The following WDR18 variants were observed in gnomAD, a reference collection of about 807,000 sequenced individuals.
The protein encoded by WDR18 is WD repeat domain 18, also known as WD repeat-containing protein 18.
Under a neutral mutation model 49.6 loss-of-function variants are expected in WDR18, and 33 were observed. That is an observed-to-expected ratio of 0.67 (90% CI 0.50 to 0.89). The LOEUF (loss-of-function observed/expected upper bound fraction) is 0.89. WDR18 is among the 40% of genes least tolerant of loss of function. The pLI, the probability that WDR18 is intolerant of heterozygous loss-of-function variation, is 0.00. For missense variants in WDR18, 653 were observed against 593.6 expected (o/e 1.10, Z -1.04); for synonymous variants, 315 against 263.6 (o/e 1.19, Z -1.89).
intron 4 of WDR18, chr19:990,586 G>A: frequency 2.4e-6 from 2 of 835,310 alleles, no homozygotes; most frequent in Non-Finnish European, 1.8e-6. Flanking sequence ...CCAAGCCTGG[G>A]GAATCGGAGG....
At chr19:985,735 C>A in intron 1 of WDR18, 130 bp from the exon 2 acceptor site, 1 of 778,402 alleles carries the variant, frequency 1.3e-6, no homozygotes, top group Non-Finnish European at 2.1e-6. Flanking sequence ...CTCAAACCAC[C>A]CTGCTCCCGA....
chr19:993,972 GT>G, intron 8 of WDR18, 47 bp from the exon 9 acceptor site: 1 of 1,543,164 alleles, frequency 6.5e-7, no homozygotes, highest in Non-Finnish European at 8.7e-7. Flanking sequence ...AAAGCGTGTG[GT>G]GTGTGACAGG....
chr19:985,766 A>T, intron 1 of WDR18, 99 bp from the exon 2 acceptor site: 1 of 1,084,248 alleles, frequency 9.2e-7, no homozygotes, highest in Non-Finnish European at 1.4e-6. Context: ...TGGTTCTCTG[A>T]CTTAGCCATT....
intron 1 of WDR18, among the ~76,000 whole-genome samples, chr19:985,454 G>C (rs946789503): frequency 1.3e-5 from 2 of 152,198 alleles, no homozygotes; most frequent in African/African-American, 4.8e-5. Flanking sequence ...ACAGCCGTGA[G>C]CCACCACGCC....
chr19:994,445 C>A lies in WDR18; in HGVS notation c.*101C>A. 1.4e-6 allele frequency: 2 copies of A among 1,468,968 alleles called. No homozygotes were observed. Among genetic ancestry groups the A allele is most frequent in the Non-Finnish European group, 1.8e-6 (2 of 1,101,950 alleles). 91.0% of individuals were successfully genotyped at this position (1,468,968 alleles called of 1,614,324 possible). ...CCCCACCAGCCCAGGCCTGGACTCTCCTCAGTTCTGTGTCGTGTTCGGGTT... is the reference window on the plus strand; with the variant it reads ...CCCCACCAGCCCAGGCCTGGACTCTACTCAGTTCTGTGTCGTGTTCGGGTT... On this transcript the variant is annotated 3_prime_UTR_variant, in exon 10 of 10. Coordinates refer to ENST00000585809, the MANE Select transcript of WDR18 (RefSeq NM_024100.4).
chr19:993,828 C>T (rs930452150), intron 8 of WDR18, among the ~76,000 whole-genome samples, 192 bp from the exon 9 acceptor site: 32 of 152,216 alleles, frequency 2.1e-4, no homozygotes, highest in African/African-American at 7.5e-4. Context: ...GACTGCATGG[C>T]CAGGGTCAGG....
chr19:990,382 C>T lies in WDR18; in HGVS notation c.597+18C>T. On this transcript the variant is annotated intron_variant, in intron 4 of 9. Transcript: ENST00000585809. Reference sequence around the variant, plus strand: ...CGGTGAAGGTACGCCGCCCCCACCCCACCACGGTCCATGAGCGGAGCCCAG... The same window carrying T: ...CGGTGAAGGTACGCCGCCCCCACCCTACCACGGTCCATGAGCGGAGCCCAG... 6.6e-7 allele frequency: 1 copy of T among 1,520,612 alleles called. No homozygotes were observed. Among genetic ancestry groups the T allele is most frequent in the Non-Finnish European group, 8.8e-7 (1 of 1,139,378 alleles). The allele number at this position is 1,520,612 out of a possible 1,614,324, so 94.2% of individuals were successfully genotyped here. A position where few individuals can be genotyped will look rare whatever the true frequency, so the allele number is the denominator to read the frequency against.
At chr19:984,714 TG>T (rs1264174332) in intron 1 of WDR18, 151 bp downstream of exon 1, 1 of 815,434 alleles carries the variant, frequency 1.2e-6, no homozygotes. Flanking sequence ...TGCGCGGGTC[TG>T]GGGGCTTTGG....
At chr19:988,878 T>G (rs1312689266) in intron 2 of WDR18, among the ~76,000 whole-genome samples, 1 of 152,142 alleles carries the variant, frequency 6.6e-6, no homozygotes, top group Non-Finnish European at 1.5e-5. Flanking sequence ...CCACCTCATC[T>G]TAACTTATGA....
chr19:984,946 G>GA (rs1238793746), intron 1 of WDR18, among the ~76,000 whole-genome samples: 1 of 152,106 alleles, frequency 6.6e-6, no homozygotes, highest in Non-Finnish European at 1.5e-5. Context: ...AGGTCTGGGG[G>GA]AGTCTCCCAT....
intron 4 of WDR18, 28 bp from the exon 5 acceptor site, chr19:990,824 G>A (rs375286469): frequency 1.8e-5 from 28 of 1,569,944 alleles, no homozygotes; most frequent in East Asian, 2.3e-5. Context: ...CTGCCGGGCC[G>A]AGCCCCACGC....
chr19:987,387 G>A (rs2038485966), intron 2 of WDR18, among the ~76,000 whole-genome samples: 1 of 152,116 alleles, frequency 6.6e-6, no homozygotes, highest in South Asian at 2.1e-4. Flanking sequence ...AATGACAGGA[G>A]GCATCATTAT....
intron 7 of WDR18, 24 bp downstream of exon 7, chr19:991,375 G>GGCCAGC: frequency 6.5e-7 from 1 of 1,532,632 alleles, no homozygotes; most frequent in Non-Finnish European, 8.8e-7. Context: ...TGCTCGGCCC[G>GGCCAGC]CGGCCAGCGC....
intron 1 of WDR18, among the ~76,000 whole-genome samples, chr19:984,846 T>G (rs2038458980): frequency 6.6e-6 from 1 of 152,104 alleles, no homozygotes; most frequent in South Asian, 2.1e-4. Context: ...CAATTGCGCA[T>G]GCACGAGTTC....
rs747227045 is a variant in WDR18, at chr19:994,008, C to T, written c.1099-12C>T. 1 of 1,551,232 alleles carries T rather than the reference C, an allele frequency of 6.4e-7. No homozygotes were observed. Among genetic ancestry groups the T allele is most frequent in the African/African-American group, 1.4e-5 (1 of 73,130 alleles). ...GACGCGCCCCGAGGTCACGTGGCTC[C>T]CTGTGTTACAGGGCTCGGAGCCCAG... On this transcript the variant is annotated splice_polypyrimidine_tract_variant and intron_variant, in intron 8 of 9. Transcript: ENST00000585809.
chr19:990,812 C>T (rs749798134), intron 4 of WDR18, 40 bp from the exon 5 acceptor site: 16 of 1,558,692 alleles, frequency 1.0e-5, no homozygotes, highest in Non-Finnish European at 1.4e-5. Context: ...CTCGGGTTCC[C>T]CCTGCCGGGC....
chr19:990,008 C>T (rs2038522650), intron 3 of WDR18, 113 bp downstream of exon 3: 1 of 1,475,962 alleles, frequency 6.8e-7, no homozygotes, highest in Non-Finnish European at 9.0e-7. Flanking sequence ...GGCTGGAGTG[C>T]AGAGGACGGA....
chr19:994,020 G>A lies in WDR18; in HGVS notation c.1099G>A (p.Gly367Ser). 6.4e-7 allele frequency: 1 copy of A among 1,553,544 alleles called. No homozygotes were observed. The highest frequency in any genetic ancestry group is 1.2e-5 in the South Asian group (1 of 84,328). The change falls in exon 9 of 10, where the codon GGC (glycine) becomes AGC (serine). Residue 367 changes from glycine (G) to serine (S), a missense_variant and splice_region_variant. Transcript: ENST00000585809. ...LTLRLGLHQQGSEPSYLDRTE... is the reference protein window; with the variant it reads ...LTLRLGLHQQSSEPSYLDRTE... ...GGTCACGTGGCTCCCTGTGTTACAG[G>A]GCTCGGAGCCCAGCTACCTGGACCG...
chr19:987,829 G>GTTGTGTTTTTTTTTTTTTT (rs2038490475), intron 2 of WDR18, among the ~76,000 whole-genome samples: 1 of 91,822 alleles, frequency 1.1e-5, no homozygotes, highest in African/African-American at 5.3e-5. Context: ...GCCGCCTCCA[G>GTTGTGTTTTTTTTTTTTTT]TTTTTTTTTT....
Sources: allele counts gnomAD v4.1 joint callset (sites outside exome capture counted in the v4.1 genomes callset), GRCh38; gene constraint gnomAD v4.1.1; transcripts MANE v1.5; gene names NCBI Gene and HGNC (gene_info 2026-07-23, HGNC 2026-07-21).